Variants in MAP2K3 observed in about 807,000 individuals in gnomAD.
The protein encoded by MAP2K3 is dual specificity mitogen-activated protein kinase kinase 3.
Under a neutral mutation model 46.4 loss-of-function variants are expected in MAP2K3, and 30 were observed. The ratio of observed to expected loss-of-function variants is 0.65; its 90% CI spans 0.48 to 0.88. The LOEUF is 0.88. Among genes scored for constraint, MAP2K3 ranks in the 40% least tolerant of loss-of-function variants. The pLI is 0.00. For synonymous variants in MAP2K3, 189 were observed against 176.3 expected, an observed-to-expected ratio of 1.07 and a Z score of -0.57; for missense variants, 380 against 464.5, an observed-to-expected ratio of 0.82 and a Z score of 1.67.
intron 9 of MAP2K3, among the ~76,000 whole-genome samples, chr17:21,309,958 T>C (rs1977085474): frequency 6.6e-6 from 1 of 151,994 alleles, no homozygotes; most frequent in Non-Finnish European, 1.5e-5. Context: ...GCATTACATG[T>C]TGTTCATATT....
At chr17:21,298,574 C>G in intron 2 of MAP2K3, 95 bp downstream of exon 2, 2 of 1,594,786 alleles carry the variant, frequency 1.3e-6, no homozygotes, top group Non-Finnish European at 1.7e-6. Context: ...GCCAGCCCTG[C>G]TTTACCTCGT....
chr17:21,292,922 A>G (rs1177566457), intron 1 of MAP2K3, among the ~76,000 whole-genome samples: 4 of 152,428 alleles, frequency 2.6e-5, no homozygotes, highest in South Asian at 2.1e-4. Context: ...TTTTGATTCT[A>G]TAAACCCTGG....
intron 7 of MAP2K3, 44 bp from the exon 8 acceptor site, chr17:21,304,382 G>A: frequency 6.2e-7 from 1 of 1,614,176 alleles, no homozygotes; most frequent in Non-Finnish European, 8.5e-7. Context: ...CCTGCCTCCA[G>A]TCGTGCTCCA....
At chr17:21,293,721 C>T (rs182501242) in intron 1 of MAP2K3, among the ~76,000 whole-genome samples, 104 of 152,320 alleles carry the variant, frequency 6.8e-4, no homozygotes, top group African/African-American at 2.4e-3. Flanking sequence ...GCCTTGGTCA[C>T]TCCTCCTCAC....
chr17:21,308,411 G>T (rs75687688), intron 9 of MAP2K3, among the ~76,000 whole-genome samples: 1 of 152,294 alleles, frequency 6.6e-6, no homozygotes, highest in Non-Finnish European at 1.5e-5. Flanking sequence ...GCCTCCCAAA[G>T]TGTTGGGATT....
chr17:21,313,190 G>A (rs563230799), intron 10 of MAP2K3, among the ~76,000 whole-genome samples: 1 of 152,316 alleles, frequency 6.6e-6, no homozygotes, highest in Non-Finnish European at 1.5e-5. Context: ...GATACCAAGT[G>A]TGTGACTGTT....
At chr17:21,300,394 A>G in intron 3 of MAP2K3, 151 bp from the exon 4 acceptor site, 1 of 758,280 alleles carries the variant, frequency 1.3e-6, no homozygotes, top group Non-Finnish European at 2.2e-6. Flanking sequence ...TGACTTGCTG[A>G]GGGTCACACA....
chr17:21,303,349 C>A, intron 7 of MAP2K3, 115 bp downstream of exon 7: 1 of 1,441,526 alleles, frequency 6.9e-7, no homozygotes, highest in South Asian at 1.2e-5. Context: ...TAGGTTGTGA[C>A]GTGCCCGATG....
intron 1 of MAP2K3, among the ~76,000 whole-genome samples, chr17:21,287,180 T>C (rs114224918): frequency 6.6e-6 from 1 of 152,330 alleles, no homozygotes; most frequent in African/African-American, 2.4e-5. Context: ...CTGGCCTTGC[T>C]CAGAGCATGT....
chr17:21,303,070 C>A, intron 6 of MAP2K3, 113 bp from the exon 7 acceptor site: 5 of 1,379,538 alleles, frequency 3.6e-6, no homozygotes, highest in South Asian at 1.3e-5. Flanking sequence ...GTAGCCTGTG[C>A]AGCGGGAGCG....
chr17:21,295,704 C>T, intron 1 of MAP2K3: 1 of 1,289,520 alleles, frequency 7.8e-7, no homozygotes, highest in Middle Eastern at 2.1e-4. Flanking sequence ...AGTCCATATA[C>T]CACCCAGGCC....
intron 9 of MAP2K3, among the ~76,000 whole-genome samples, chr17:21,310,381 G>C (rs1487937805): frequency 6.6e-6 from 1 of 152,172 alleles, no homozygotes; most frequent in East Asian, 1.9e-4. Flanking sequence ...CCACCATTCA[G>C]TCACCCTGTC....
At chr17:21,311,487 A>C (rs1414664157) in intron 9 of MAP2K3, among the ~76,000 whole-genome samples, 2 of 152,146 alleles carry the variant, frequency 1.3e-5, no homozygotes, top group African/African-American at 4.8e-5. Flanking sequence ...ATGTGGCCAC[A>C]CAGGCCACTT....
At chr17:21,293,019 A>G (rs1976029443) in intron 1 of MAP2K3, among the ~76,000 whole-genome samples, 2 of 152,308 alleles carry the variant, frequency 1.3e-5, no homozygotes, top group Non-Finnish European at 2.9e-5. Context: ...ATGTAATGAA[A>G]GAAATTTGCA....
chr17:21,285,897 G>A (rs1446860861), intron 1 of MAP2K3, among the ~76,000 whole-genome samples: 1 of 134,726 alleles, frequency 7.4e-6, no homozygotes, highest in African/African-American at 2.7e-5. Context: ...GGCAAAAGGG[G>A]AATTTTTTTT....
Position 21,300,569 on chromosome 17 carries a change from T to G in MAP2K3, c.190T>G (p.Leu64Val). 6.2e-7 allele frequency: 1 copy of G among 1,612,572 alleles called. No homozygotes were observed. The highest frequency in any genetic ancestry group is 8.5e-7 in the Non-Finnish European group (1 of 1,179,410). Residue 64 changes from leucine to valine, a missense_variant, in exon 4 of 12, where the codon TTG (leucine) becomes GTG (valine). Coordinates refer to ENST00000342679, the MANE Select transcript of MAP2K3 (RefSeq NM_145109.3). ...DRNFEVEADD[L>V]VTISELGRGA... is the part of the protein sequence containing the mutation. ...GAACTTTGAGGTGGAGGCTGATGACTTGGTGACCATCTCAGAACTGGGCCG... is the reference window on the plus strand; with the variant it reads ...GAACTTTGAGGTGGAGGCTGATGACGTGGTGACCATCTCAGAACTGGGCCG...
intron 3 of MAP2K3, 95 bp from the exon 4 acceptor site, chr17:21,300,450 G>C: frequency 7.8e-7 from 1 of 1,285,266 alleles, no homozygotes; most frequent in Middle Eastern, 1.8e-4. Context: ...CTAATCAGCT[G>C]GTCCTCTTCA....
chr17:21,293,693 AGGGCTGTGG>A (rs2144499953), intron 1 of MAP2K3, among the ~76,000 whole-genome samples: 1 of 816 alleles, frequency 1.2e-3, no homozygotes, highest in East Asian at 0.028. Flanking sequence ...GAGGCAGGGC[AGGGCTGTGG>A]AGGGCAGAGC....
intron 1 of MAP2K3, among the ~76,000 whole-genome samples, chr17:21,290,963 C>T (rs1349706696): frequency 6.6e-6 from 1 of 152,252 alleles, no homozygotes; most frequent in Admixed American, 6.5e-5. Flanking sequence ...TAGAAGTAGG[C>T]CAGGCACGGT....
Sources: gnomAD v4.1 joint callset for allele counts (sites outside exome capture counted in the v4.1 genomes callset) on GRCh38, gnomAD v4.1.1 for gene constraint, MANE v1.5 for transcripts, NCBI Gene and HGNC (gene_info 2026-07-23, HGNC 2026-07-21) for gene names.